Variants in HEG1 observed in about 807,000 individuals in gnomAD.
HEG1 encodes heart development protein with EGF like domains 1, also known as protein HEG homolog 1.
HEG1 carries 56 observed loss-of-function variants against 125.6 expected under a neutral mutation model. The observed-to-expected ratio is 0.45, with a 90% CI of 0.36 to 0.56. HEG1 has a LOEUF of 0.56. Ranked by LOEUF, HEG1 falls within the 20% of genes least tolerant of loss-of-function variation. The probability of loss-of-function intolerance (pLI) is 0.00; values close to 1 mark genes in which losing one functional copy is unlikely to be tolerated. For missense variants in HEG1, 1,523 were observed against 1,670.0 expected (o/e 0.91, Z 1.53); for synonymous variants, 644 against 668.5 (o/e 0.96, Z 0.57).
intron 2 of HEG1, among the ~76,000 whole-genome samples, chr3:125,028,384 C>A (rs1011664096): frequency 6.6e-6 from 1 of 152,230 alleles, no homozygotes; most frequent in South Asian, 2.1e-4. Context: ...CCTGTTCCTC[C>A]TCTCCTTTGT....
chr3:124,982,344 T>C (rs11718916), intron 14 of HEG1, among the ~76,000 whole-genome samples: 50,544 of 152,182 alleles, frequency 0.33, 8,913 homozygotes, highest in East Asian at 0.48. Context: ...TATGATGACG[T>C]AGAAGTGCAT....
intron 1 of HEG1, among the ~76,000 whole-genome samples, chr3:125,036,209 CAAAAA>C (rs10658772): frequency 4.3e-5 from 3 of 70,560 alleles, no homozygotes; most frequent in Admixed American, 4.1e-4. Flanking sequence ...GACCCTGTCT[CAAAAA>C]AAAAAAAAAA....
chr3:124,997,894 C>T (rs1936946860), intron 11 of HEG1, 71 bp from the exon 12 acceptor site: 1 of 1,448,874 alleles, frequency 6.9e-7, no homozygotes, highest in East Asian at 2.5e-5. Context: ...ATCTCCTCCA[C>T]TTCAAAGCTC....
Position 125,015,974 on chromosome 3 carries a change from G to A in HEG1, c.1589-1984C>T, listed in dbSNP as rs577745937. ...AGAGACAGGAATGAGCACGGGCCAC[G>A]AGCATCACTGAGAAAGCCAGAAGCC... On this transcript the variant is annotated intron_variant, in intron 5 of 16. Coordinates refer to ENST00000311127, the MANE Select transcript of HEG1 (RefSeq NM_020733.2). 1.7e-4 allele frequency among the ~76,000 whole-genome samples: 26 copies of A among 152,254 alleles called. No homozygotes were observed. The East Asian group carries it at 3.5e-3, about 20-fold the overall frequency.
rs1306691710 is a variant in HEG1, at chr3:124,973,889, T to C, written c.3838A>G (p.Ile1280Val). Residue 1280 changes from isoleucine to valine, a missense_variant, in exon 16 of 17, where the codon ATA becomes GTA. By Grantham distance (29) the Ile-to-Val change is conservative. Transcript: ENST00000311127. ...VTCCRKNKND[I>V]SKLIFKSGDF... is the part of the protein sequence containing the mutation. ...CCACTTTTGAAGATGAGTTTGCTTA[T>C]GTCATTTTTATTCTTTCTGTGGGAT... The C allele has an allele frequency of 1.2e-6, 2 of 1,611,782 alleles. No individual in the cohort carries two copies. The highest frequency in any genetic ancestry group is 1.3e-5 in the African/African-American group (1 of 74,912).
At position 125,055,829 on chromosome 3, in the gene HEG1, A is replaced by G. The variant is rs1937928473; in HGVS notation, c.62T>C (p.Leu21Pro). 2 of 983,160 alleles carry G rather than the reference A, an allele frequency of 2.0e-6. No homozygotes were observed. The highest frequency in any genetic ancestry group is 4.5e-5 in the South Asian group (1 of 22,070). 60.9% of individuals were successfully genotyped at this position (983,160 alleles called of 1,614,324 possible). A position where few individuals can be genotyped will look rare whatever the true frequency, so the allele number is the denominator to read the frequency against. ...CCCGGGGGCCGCCGGCGGCAGCAGC[A>G]GCAGCGGCAGCAACAGCAGCAGGAG... Reference protein sequence around the residue: ...PPLLLLLLPLLLLPPAAPGTR... With the variant: ...PPLLLLLLPLPLLPPAAPGTR... Residue 21 changes from leucine to proline, a missense_variant, in exon 1 of 17, where the codon CTG becomes CCG. Coordinates refer to ENST00000311127, the MANE Select transcript of HEG1 (RefSeq NM_020733.2).
intron 1 of HEG1, among the ~76,000 whole-genome samples, chr3:125,030,664 C>T (rs976986787): frequency 1.3e-5 from 2 of 152,148 alleles, no homozygotes; most frequent in East Asian, 1.9e-4. Flanking sequence ...AGGTAGCAGA[C>T]GTAGGTGCCT....
chr3:125,016,958 AAATGATTC>A (rs1466950192), intron 5 of HEG1, among the ~76,000 whole-genome samples: 1 of 152,236 alleles, frequency 6.6e-6, no homozygotes, highest in East Asian at 1.9e-4. Flanking sequence ...TTTGTGCTAC[AAATGATTC>A]CATCAAGAAA....
intron 1 of HEG1, among the ~76,000 whole-genome samples, chr3:125,039,028 G>A (rs1937571069): frequency 6.6e-6 from 1 of 152,180 alleles, no homozygotes; most frequent in African/African-American, 2.4e-5. Flanking sequence ...CCTCATATTG[G>A]AGATTAGACA....
chr3:125,000,060 A>G (rs1936978934), intron 11 of HEG1, among the ~76,000 whole-genome samples: 2 of 152,200 alleles, frequency 1.3e-5, no homozygotes, highest in South Asian at 4.1e-4. Context: ...AAAGGTTAGC[A>G]TGAGACCAGG....
intron 8 of HEG1, among the ~76,000 whole-genome samples, chr3:125,006,859 T>G (rs1937077556): frequency 1.3e-5 from 2 of 152,204 alleles, no homozygotes; most frequent in Non-Finnish European, 2.9e-5. Flanking sequence ...CTTCTTCACT[T>G]TCTCATCTCA....
intron 1 of HEG1, among the ~76,000 whole-genome samples, chr3:125,044,460 A>G (rs1234480188): frequency 6.6e-6 from 1 of 152,190 alleles, no homozygotes; most frequent in Non-Finnish European, 1.5e-5. Context: ...ATTGCAGCCA[A>G]AACGTAGGTA....
chr3:125,040,305 G>C (rs1016205125), intron 1 of HEG1, among the ~76,000 whole-genome samples: 4 of 152,148 alleles, frequency 2.6e-5, no homozygotes, highest in African/African-American at 7.2e-5. Flanking sequence ...GTAGAGACAG[G>C]AGAAGAGCCA....
chr3:125,049,153 G>C (rs1024831189), intron 1 of HEG1, among the ~76,000 whole-genome samples: 2 of 152,306 alleles, frequency 1.3e-5, no homozygotes, highest in Middle Eastern at 3.4e-3. Flanking sequence ...ATGGAGGCCA[G>C]AGGCCTTTCC....
chr3:124,968,295 A>T lies in HEG1; in HGVS notation c.*2357T>A. The stretch of plus-strand genomic sequence containing the variant: ...CTCCCTTCCTCACTGGGTCACAGAC[A>T]TGCTTTACTCATGTCCCCTTAGAGC... On this transcript the variant is annotated 3_prime_UTR_variant, in exon 17 of 17. Transcript: ENST00000311127. 1 of 152,312 alleles carries T rather than the reference A, an allele frequency of 6.6e-6. No homozygotes were observed. Among genetic ancestry groups the T allele is most frequent in the Non-Finnish European group, 1.5e-5 (1 of 68,176 alleles). The allele number at this position is 152,312 out of a possible 1,614,324, so 9.4% of individuals were successfully genotyped here. A position where few individuals can be genotyped will look rare whatever the true frequency, so the allele number is the denominator to read the frequency against.
intron 1 of HEG1, among the ~76,000 whole-genome samples, chr3:125,040,192 A>G (rs1937582720): frequency 6.6e-6 from 1 of 152,258 alleles, no homozygotes; most frequent in Non-Finnish European, 1.5e-5. Flanking sequence ...AATGTCTGGC[A>G]GACAGTTAAA....
chr3:124,996,585 G>T (rs1462747478), intron 12 of HEG1, among the ~76,000 whole-genome samples: 3 of 152,192 alleles, frequency 2.0e-5, no homozygotes, highest in Non-Finnish European at 2.9e-5. Flanking sequence ...CCCACCTGGA[G>T]AGCTGATGAT....
At position 125,004,558 on chromosome 3, in the gene HEG1, C is replaced by A. The variant is rs551215313; in HGVS notation, c.3297+707G>T. Among the ~76,000 whole-genome samples the A allele has an allele frequency of 9.2e-4, 140 of 152,146 alleles. 1 individual carries two copies. The highest frequency in any genetic ancestry group is 1.8e-3 in the African/African-American group (75 of 41,518). ...AGGCTGGAGTGCAGTTGTTCGATCA[C>A]GGCTCACCACAGCCTCAACCTCTGG... On this transcript the variant is annotated intron_variant, in intron 9 of 16. Transcript: ENST00000311127.
chr3:125,041,294 T>C (rs1254026820), intron 1 of HEG1, among the ~76,000 whole-genome samples: 3 of 152,182 alleles, frequency 2.0e-5, no homozygotes, highest in African/African-American at 7.2e-5. Flanking sequence ...TTAGGGACCA[T>C]AGCAACCAAA....
Sources: allele counts gnomAD v4.1 joint callset (sites outside exome capture counted in the v4.1 genomes callset), GRCh38; gene constraint gnomAD v4.1.1; transcripts MANE v1.5; gene names NCBI Gene and HGNC (gene_info 2026-07-23, HGNC 2026-07-21).